Variants in NAALADL2 observed in about 807,000 individuals in gnomAD.
NAALADL2 encodes N-acetylated alpha-linked acidic dipeptidase like 2.
NAALADL2 carries 76 observed loss-of-function variants against 87.2 expected under a neutral mutation model. That is an observed-to-expected ratio of 0.87 (90% CI 0.72 to 1.05). The LOEUF is 1.05. Ranked by LOEUF, NAALADL2 falls within the 50% of genes least tolerant of loss-of-function variation. The pLI is 0.00. For missense variants in NAALADL2, 1,089 were observed against 945.8 expected, an observed-to-expected ratio of 1.15 and a Z score of -1.99; for synonymous variants, 354 against 331.0, an observed-to-expected ratio of 1.07 and a Z score of -0.75.
chr3:175,381,060 A>G (rs147902633), intron 5 of NAALADL2, among the ~76,000 whole-genome samples: 5 of 152,150 alleles, frequency 3.3e-5, no homozygotes, highest in African/African-American at 1.2e-4. Flanking sequence ...AGGTTTTATA[A>G]TGAACAACCT....
At chr3:175,459,354 T>C (rs565129963) in intron 6 of NAALADL2, among the ~76,000 whole-genome samples, 1 of 152,088 alleles carries the variant, frequency 6.6e-6, no homozygotes, top group South Asian at 2.1e-4. Flanking sequence ...TAGATAGATG[T>C]AACTGAAGAA....
At chr3:175,413,011 C>T (rs556534715) in intron 5 of NAALADL2, among the ~76,000 whole-genome samples, 33 of 149,486 alleles carry the variant, frequency 2.2e-4, no homozygotes, top group African/African-American at 7.4e-4. Context: ...CTCCGCCTCC[C>T]GGGTTCATGC....
intron 2 of NAALADL2, among the ~76,000 whole-genome samples, chr3:175,123,615 C>T (rs1019230383): frequency 6.6e-6 from 1 of 151,866 alleles, no homozygotes. Context: ...TAGATGCACC[C>T]TACCGTTTAC....
intron 7 of NAALADL2, among the ~76,000 whole-genome samples, chr3:175,463,724 G>GAGAGAGAT (rs1553901944): frequency 6.8e-6 from 1 of 148,132 alleles, no homozygotes; most frequent in Admixed American, 6.7e-5. Flanking sequence ...GAGAGAGAGA[G>GAGAGAGAT]AGAGAGAGAG....
intron 5 of NAALADL2, among the ~76,000 whole-genome samples, chr3:175,342,427 G>A (rs1261889898): frequency 6.6e-6 from 1 of 151,976 alleles, no homozygotes; most frequent in Admixed American, 6.6e-5. Flanking sequence ...TAGGTAGTGA[G>A]CATTATTAAA....
chr3:174,535,373 C>T (rs1201721935), intron 1 of NAALADL2, among the ~76,000 whole-genome samples: 1 of 152,124 alleles, frequency 6.6e-6, no homozygotes, highest in Non-Finnish European at 1.5e-5. Context: ...AACTGATTTG[C>T]AAAGTGGCTC....
chr3:175,307,759 G>A (rs562124337), intron 4 of NAALADL2, among the ~76,000 whole-genome samples: 1 of 152,236 alleles, frequency 6.6e-6, no homozygotes, highest in South Asian at 2.1e-4. Flanking sequence ...AACAAAGTAT[G>A]TACTTAATTT....
chr3:175,620,861 G>T (rs905292940), intron 10 of NAALADL2, among the ~76,000 whole-genome samples: 3 of 152,304 alleles, frequency 2.0e-5, no homozygotes, highest in African/African-American at 7.2e-5. Context: ...AAGAATAGAA[G>T]TTTGAGTGAA....
intron 5 of NAALADL2, among the ~76,000 whole-genome samples, chr3:175,401,493 C>G: frequency 6.6e-6 from 1 of 152,102 alleles, no homozygotes; most frequent in East Asian, 1.9e-4. Context: ...AATCCTTAGG[C>G]AATTTAGTCA....
chr3:175,579,881 A>T (rs1719502901), intron 10 of NAALADL2, among the ~76,000 whole-genome samples: 1 of 152,088 alleles, frequency 6.6e-6, no homozygotes, highest in Admixed American at 6.5e-5. Context: ...TATCTTTCTT[A>T]GTATATCAGA....
chr3:174,609,525 C>G (rs1719556786), intron 2 of NAALADL2, among the ~76,000 whole-genome samples: 1 of 152,090 alleles, frequency 6.6e-6, no homozygotes, highest in Non-Finnish European at 1.5e-5. Context: ...CAATAACAGA[C>G]AAACAGAGAG....
At chr3:175,423,028 A>AAATATATATATAT (rs1438736874) in intron 5 of NAALADL2, among the ~76,000 whole-genome samples, 1 of 111,318 alleles carries the variant, frequency 9.0e-6, no homozygotes, top group African/African-American at 4.1e-5. Flanking sequence ...GAAAAAAAAA[A>AAATATATATATAT]ATATATATAT....
chr3:174,940,390 T>G (rs1029558845), intron 1 of NAALADL2, among the ~76,000 whole-genome samples: 5 of 152,154 alleles, frequency 3.3e-5, no homozygotes, highest in African/African-American at 1.2e-4. Context: ...AGCTCTTTTG[T>G]GTGCTGCTGG....
chr3:174,834,315 A>C (rs1723079866), intron 3 of NAALADL2, among the ~76,000 whole-genome samples: 1 of 147,958 alleles, frequency 6.8e-6, no homozygotes, highest in Admixed American at 6.7e-5. Context: ...CTCACTCTGA[A>C]TATGGGCACC....
chr3:174,865,117 T>C (rs1423425266), intron 1 of NAALADL2, among the ~76,000 whole-genome samples: 1 of 152,044 alleles, frequency 6.6e-6, no homozygotes, highest in Non-Finnish European at 1.5e-5. Context: ...CTTTCTGTAA[T>C]TTATATTGAA....
chr3:175,240,497 T>C (rs1047570113), intron 3 of NAALADL2, among the ~76,000 whole-genome samples: 6 of 152,192 alleles, frequency 3.9e-5, no homozygotes, highest in Non-Finnish European at 5.9e-5. Flanking sequence ...GGCAGAGCTA[T>C]ATGCATTTGG....
chr3:175,469,647 C>G (rs186708512), intron 8 of NAALADL2, among the ~76,000 whole-genome samples: 1 of 152,078 alleles, frequency 6.6e-6, no homozygotes, highest in East Asian at 1.9e-4. Flanking sequence ...GAAGAATCCT[C>G]GTTTGTCAGA....
intron 4 of NAALADL2, among the ~76,000 whole-genome samples, chr3:175,299,913 G>A (rs1756836655): frequency 6.6e-6 from 1 of 152,126 alleles, no homozygotes; most frequent in Non-Finnish European, 1.5e-5. Flanking sequence ...TTATGATATT[G>A]GCTGTGGGTT....
At chr3:175,744,055 A>G (rs1745601974) in intron 12 of NAALADL2, among the ~76,000 whole-genome samples, 1 of 152,248 alleles carries the variant, frequency 6.6e-6, no homozygotes, top group Admixed American at 6.5e-5. Context: ...ACTGCTGCCT[A>G]CGACAGCTAA....
Sources: gnomAD v4.1 joint callset for allele counts (sites outside exome capture counted in the v4.1 genomes callset) on GRCh38, gnomAD v4.1.1 for gene constraint, MANE v1.5 for transcripts, NCBI Gene and HGNC (gene_info 2026-07-23, HGNC 2026-07-21) for gene names.